The following PRSS23 variants were observed in gnomAD, a reference collection of about 807,000 sequenced individuals.
PRSS23 encodes protease, serine 23.
A neutral mutation model predicts 34.7 loss-of-function variants in PRSS23; 25 were observed. The ratio of observed to expected loss-of-function variants is 0.72; its 90% CI spans 0.53 to 1.01. PRSS23 has a LOEUF of 1.01. Ranked by LOEUF, PRSS23 falls within the 50% of genes least tolerant of loss-of-function variation. The probability of loss-of-function intolerance (pLI) is 0.00; values close to 1 mark genes in which losing one functional copy is unlikely to be tolerated. For synonymous variants in PRSS23, 176 were observed against 186.6 expected (o/e 0.94, Z 0.46); for missense variants, 445 against 475.6 (o/e 0.94, Z 0.60).
chr11:86,900,785 T>C (rs1399376764), intron 2 of PRSS23, among the ~76,000 whole-genome samples: 19 of 127,990 alleles, frequency 1.5e-4, no homozygotes, highest in Non-Finnish European at 2.0e-4. Flanking sequence ...CTCTCTCTTT[T>C]TTTTTTTTTT....
At chr11:86,880,729 A>T (rs1476567061) in intron 2 of PRSS23, among the ~76,000 whole-genome samples, 3 of 152,124 alleles carry the variant, frequency 2.0e-5, no homozygotes, top group African/African-American at 7.2e-5. Flanking sequence ...CCCACTTATG[A>T]GTGAGAACAT....
intron 2 of PRSS23, among the ~76,000 whole-genome samples, chr11:86,928,453 A>G (rs2135012239): frequency 6.7e-6 from 1 of 148,686 alleles, no homozygotes; most frequent in Admixed American, 6.7e-5. Flanking sequence ...AGGCAGGCAG[A>G]TCATGAGGTC....
downstream of PRSS23, chr11:86,811,260 A>C (rs1305375705): frequency 6.0e-6 from 1 of 166,370 alleles, no homozygotes; most frequent in African/African-American, 2.4e-5. Context: ...TAATGCCTAT[A>C]AGCAATCTGG....
At position 86,913,821 on chromosome 11, in the gene PRSS23, G is replaced by C. The variant is rs540027797; in HGVS notation, c.207-37395G>C. ...TGAGAAGGGAAGTGGACCAGAGGTT[G>C]AACCCTGGAGAAGAGGCAGGGAGTG... On this transcript the variant is annotated intron_variant, in intron 2 of 2. Transcript: ENST00000533902. Among the ~76,000 whole-genome samples the C allele has an allele frequency of 4.6e-5, 7 of 151,632 alleles. 1 individual carries two copies. The highest frequency in any genetic ancestry group is 3.3e-4 in the Admixed American group (5 of 15,244).
chr11:86,798,454 C>T (rs1029331529), upstream of PRSS23, among the ~76,000 whole-genome samples: 4 of 152,042 alleles, frequency 2.6e-5, no homozygotes, highest in East Asian at 3.9e-4. Context: ...GTAGATGGAA[C>T]GAAGGAAAGA....
intron 1 of PRSS23, among the ~76,000 whole-genome samples, chr11:86,801,898 C>T (rs374129943): frequency 6.6e-6 from 1 of 152,190 alleles, no homozygotes; most frequent in Non-Finnish European, 1.5e-5. Context: ...TAAATAAAGT[C>T]AAGCGGTAAC....
chr11:86,796,789 G>C (rs977140256), upstream of PRSS23, among the ~76,000 whole-genome samples: 1 of 152,112 alleles, frequency 6.6e-6, no homozygotes, highest in African/African-American at 2.4e-5. Flanking sequence ...CTATACAGTG[G>C]ATATTTTTCT....
At chr11:86,939,399 AAAAAATATAT>A (rs919915790) in intron 2 of PRSS23, among the ~76,000 whole-genome samples, 3 of 49,572 alleles carry the variant, frequency 6.1e-5, no homozygotes, top group African/African-American at 1.6e-4. Flanking sequence ...CAGTTAAAAA[AAAAAATATAT>A]ATATATATAT....
At chr11:86,795,235 AATAATT>A (rs1252002330) in intron 1 of PRSS23, among the ~76,000 whole-genome samples, 1 of 152,104 alleles carries the variant, frequency 6.6e-6, no homozygotes, top group Non-Finnish European at 1.5e-5. Flanking sequence ...TAATGATAAT[AATAATT>A]ATAATAATAA....
intron 2 of PRSS23, among the ~76,000 whole-genome samples, chr11:86,849,069 G>A (rs2134915750): frequency 6.6e-6 from 1 of 152,194 alleles, no homozygotes; most frequent in East Asian, 1.9e-4. Flanking sequence ...AGGACTGAGG[G>A]TGCCTGGAGC....
chr11:86,813,371 T>TA (rs1467294058), downstream of PRSS23, among the ~76,000 whole-genome samples: 1 of 152,228 alleles, frequency 6.6e-6, no homozygotes, highest in Non-Finnish European at 1.5e-5. Flanking sequence ...CCCCTGGCAG[T>TA]ATCAAATTTG....
downstream of PRSS23, among the ~76,000 whole-genome samples, chr11:86,815,628 C>A (rs1448787442): frequency 6.6e-6 from 1 of 152,202 alleles, no homozygotes; most frequent in Non-Finnish European, 1.5e-5. Context: ...GTGTCTGCCT[C>A]TTCTACAAGA....
chr11:86,923,008 G>A (rs1458771613), intron 2 of PRSS23, among the ~76,000 whole-genome samples: 3 of 151,614 alleles, frequency 2.0e-5, no homozygotes, highest in Non-Finnish European at 2.9e-5. Flanking sequence ...CCTTTTTTGG[G>A]GCTACTAAAT....
chr11:86,860,888 T>C (rs1370471195), intron 2 of PRSS23, among the ~76,000 whole-genome samples: 1 of 151,668 alleles, frequency 6.6e-6, no homozygotes, highest in Non-Finnish European at 1.5e-5. Context: ...ATCGTAGAAG[T>C]GTACAGCCCC....
chr11:86,888,836 G>A (rs528067066), intron 2 of PRSS23, among the ~76,000 whole-genome samples: 17 of 152,364 alleles, frequency 1.1e-4, no homozygotes, highest in African/African-American at 3.6e-4. Context: ...AAAGCTGGAG[G>A]ATCCAACTGA....
At chr11:86,838,221 T>C (rs981708218) in intron 2 of PRSS23, among the ~76,000 whole-genome samples, 17 of 151,968 alleles carry the variant, frequency 1.1e-4, no homozygotes, top group African/African-American at 3.9e-4. Context: ...CACCAGCACA[T>C]CCATCACCAC....
At chr11:86,903,870 C>G (rs928548398) in intron 2 of PRSS23, among the ~76,000 whole-genome samples, 1 of 152,184 alleles carries the variant, frequency 6.6e-6, no homozygotes, top group African/African-American at 2.4e-5. Context: ...CTACCTCCCT[C>G]ATGATCTTGA....
At position 86,890,969 on chromosome 11, in the gene PRSS23, T is replaced by C. The variant is rs556297647; in HGVS notation, c.207-60247T>C. Among the ~76,000 whole-genome samples the C allele has an allele frequency of 3.9e-5, 6 of 152,308 alleles. No individual in the cohort carries two copies. The East Asian group carries it at 1.2e-3, about 29-fold the overall frequency. ...ACAACAACCAGTTAGTAATTTATAG[T>C]TTGCCATCTTCAAAATGCCTTTTGG... is the stretch of plus-strand genomic sequence containing the variant. On this transcript the variant is annotated intron_variant, in intron 2 of 2. Transcript: ENST00000533902.
chr11:86,877,274 A>G (rs1948731257), intron 2 of PRSS23, among the ~76,000 whole-genome samples: 1 of 152,222 alleles, frequency 6.6e-6, no homozygotes, highest in African/African-American at 2.4e-5. Context: ...GCACAGTGCT[A>G]CTGCAAAACT....
Sources: allele counts gnomAD v4.1 joint callset (sites outside exome capture counted in the v4.1 genomes callset), GRCh38; gene constraint gnomAD v4.1.1; transcripts MANE v1.5; gene names NCBI Gene and HGNC (gene_info 2026-07-23, HGNC 2026-07-21).